MYBL2: variants seen among roughly 807,000 people sequenced by gnomAD.
MYBL2 encodes MYB proto-oncogene like 2, also known as myb-related protein B.
In MYBL2, 28 loss-of-function variants were observed where a neutral mutation model predicts 79.9. The ratio of observed to expected loss-of-function variants is 0.35; its 90% CI spans 0.26 to 0.48. The LOEUF is 0.48. Ranked by LOEUF, MYBL2 falls within the 20% of genes least tolerant of loss-of-function variation. The pLI is 0.99. For missense variants in MYBL2, 735 were observed against 893.9 expected, an observed-to-expected ratio of 0.82 and a Z score of 2.27; for synonymous variants, 378 against 361.2, an observed-to-expected ratio of 1.05 and a Z score of -0.53.
chr20:43,705,111 G>C, intron 8 of MYBL2, 108 bp from the exon 9 acceptor site: 1 of 1,424,258 alleles, frequency 7.0e-7, no homozygotes, highest in Non-Finnish European at 9.6e-7. Flanking sequence ...TATCAGAGCA[G>C]ACGTTTTGGG....
chr20:43,713,481 G>A (rs1051455085), intron 12 of MYBL2, among the ~76,000 whole-genome samples: 27 of 150,676 alleles, frequency 1.8e-4, no homozygotes, highest in African/African-American at 6.6e-4. Flanking sequence ...TCCGTCTCCC[G>A]AGTTCAAGTT....
chr20:43,713,568 G>T (rs760159437), intron 12 of MYBL2, among the ~76,000 whole-genome samples: 14 of 152,122 alleles, frequency 9.2e-5, no homozygotes, highest in Non-Finnish European at 1.3e-4. Flanking sequence ...TGTATCTTTA[G>T]TAGAGACGGG....
At chr20:43,687,692 G>A (rs1267351534) in intron 5 of MYBL2, among the ~76,000 whole-genome samples, 1 of 151,878 alleles carries the variant, frequency 6.6e-6, no homozygotes, top group Non-Finnish European at 1.5e-5. Context: ...TGTCCCTATT[G>A]CTCCAATAAT....
At position 43,678,349 on chromosome 20, in the gene MYBL2, A is replaced by G. The variant is rs193193209; in HGVS notation, c.115-3435A>G. ...AAAGAAAGAAAAAAAAAAAAAAAGA[A>G]AGGATACACTGGGGCTGATTCCTCG... On this transcript the variant is annotated intron_variant, in intron 2 of 13. Transcript: ENST00000217026. 5.3e-4 allele frequency among the ~76,000 whole-genome samples: 80 copies of G among 151,404 alleles called. 2 individuals carry two copies. In the East Asian group the frequency reaches 0.015, roughly 29 times the overall value.
intron 12 of MYBL2, among the ~76,000 whole-genome samples, chr20:43,714,299 G>A (rs1987979340): frequency 6.6e-6 from 1 of 152,202 alleles, no homozygotes; most frequent in Admixed American, 6.5e-5. Flanking sequence ...TGGGGTTGAA[G>A]CTGCGTCTTT....
intron 10 of MYBL2, among the ~76,000 whole-genome samples, chr20:43,710,880 A>G (rs1379911649): frequency 1.3e-5 from 2 of 152,174 alleles, no homozygotes; most frequent in Non-Finnish European, 2.9e-5. Flanking sequence ...AAATATCTGC[A>G]TGCTCTCCAA....
intron 1 of MYBL2, among the ~76,000 whole-genome samples, chr20:43,672,453 A>T (rs559411700): frequency 1.3e-5 from 2 of 152,070 alleles, no homozygotes; most frequent in East Asian, 3.9e-4. Flanking sequence ...CAACACACGA[A>T]AAAACAACTT....
chr20:43,704,927 C>T (rs1219717837), intron 8 of MYBL2, among the ~76,000 whole-genome samples: 5 of 152,198 alleles, frequency 3.3e-5, no homozygotes, highest in Admixed American at 3.3e-4. Flanking sequence ...CACTCTCCCA[C>T]AGTTGGCTTC....
rs6031024 is a variant in MYBL2 at position 43,668,930 on chromosome 20, A to G, written c.20+1627A>G. Among the ~76,000 whole-genome samples the G allele has an allele frequency of 9.3e-3, 1,417 of 152,034 alleles. 12 individuals carry two copies. Among genetic ancestry groups the G allele is most frequent in the African/African-American group, 0.032 (1,340 of 41,496 alleles). ...TGCCCAGGCTGGAGTGCAGTGGCAC[A>G]ATCTCGGCTCACTGCAGCCTCTGCC... On this transcript the variant is annotated intron_variant, in intron 1 of 13. Coordinates refer to ENST00000217026, the MANE Select transcript of MYBL2 (RefSeq NM_002466.4).
rs1366061655 is a variant in MYBL2 at position 43,716,127 on chromosome 20, G to C, written c.*40G>C. 1 of 1,598,070 alleles carries C rather than the reference G, an allele frequency of 6.3e-7. No individual in the cohort carries two copies. ...CACGAGCCCATTCTCATGTTTACAG[G>C]GGTTGTGGGGGCAGAGGGGGTCTGT... On this transcript the variant is annotated 3_prime_UTR_variant, in exon 14 of 14. Transcript: ENST00000217026.
At chr20:43,682,675 C>G (rs1987172517) in intron 3 of MYBL2, 119 bp from the exon 4 acceptor site, 4 of 856,316 alleles carry the variant, frequency 4.7e-6, no homozygotes, top group Admixed American at 3.7e-5. Context: ...CAGGACACAC[C>G]TACCCAAGGT....
chr20:43,688,233 G>A (rs1043770929), intron 5 of MYBL2, among the ~76,000 whole-genome samples: 9 of 150,596 alleles, frequency 6.0e-5, no homozygotes, highest in South Asian at 4.2e-4. Flanking sequence ...CCAGAGTCTC[G>A]CTCTGTCATC....
chr20:43,691,694 C>A (rs1038683605), intron 5 of MYBL2, among the ~76,000 whole-genome samples: 1 of 152,046 alleles, frequency 6.6e-6, no homozygotes, highest in African/African-American at 2.4e-5. Flanking sequence ...CATGTGCCAC[C>A]ATGCCTGGCT....
intron 12 of MYBL2, among the ~76,000 whole-genome samples, chr20:43,714,731 C>T (rs1047314899): frequency 2.0e-5 from 3 of 152,098 alleles, no homozygotes; most frequent in Non-Finnish European, 2.9e-5. Context: ...CCCAGGTTCG[C>T]ACCATTCTTC....
Position 43,715,235 on chromosome 20 carries a change from G to T in MYBL2, c.1926G>T (p.Lys642Asn). The T allele has an allele frequency of 1.2e-6, 2 of 1,614,258 alleles. No individual in the cohort carries two copies. Among genetic ancestry groups the T allele is most frequent in the Non-Finnish European group, 1.7e-6 (2 of 1,180,056 alleles). Residue 642 changes from lysine to asparagine, a missense_variant, in exon 13 of 14, where the codon AAG becomes AAT. Lys to Asn is a moderately conservative substitution (Grantham distance 94, BLOSUM62 0). This residue lies in a region of MYBL2 where 204 missense variants were observed against 202.9 expected (regional missense o/e 1.01). Transcript: ENST00000217026. The stretch of plus-strand genomic sequence containing the variant: ...GCTTCTTGCAGGCCAAGCCCGAGAA[G>T]GCAGCAGTGGCCCAGAAGCCCCGAA... Reference protein sequence around the residue: ...NQGFLQAKPEKAAVAQKPRSH... With the variant: ...NQGFLQAKPENAAVAQKPRSH...
Position 43,711,543 on chromosome 20 carries a change from G to T in MYBL2, c.1661G>T (p.Gly554Val). The T allele has an allele frequency of 6.2e-7, 1 of 1,613,812 alleles. No homozygotes were observed. Among genetic ancestry groups the T allele is most frequent in the Non-Finnish European group, 8.5e-7 (1 of 1,179,852 alleles). Residue 554 changes from glycine to valine, a missense_variant, in exon 11 of 14, where the codon GGC becomes GTC. Around this residue, in one of 5 missense-constraint regions of MYBL2, gnomAD observed 204 missense variants for 202.9 expected, o/e 1.01. Transcript: ENST00000217026. ...AAGGAGGTGCTGCGTTCTGAGGCTG[G>T]CATCGAACTCATCATCGAGGACGAC... ...DLKEVLRSEA[G>V]IELIIEDDIR... is the part of the protein sequence containing the mutation.
intron 1 of MYBL2, among the ~76,000 whole-genome samples, chr20:43,667,788 G>T (rs371709902): frequency 1.3e-5 from 2 of 152,234 alleles, no homozygotes; most frequent in African/African-American, 4.8e-5. Context: ...TTAACATTCC[G>T]GGGAGCACAG....
chr20:43,684,233 T>G (rs1987213981), intron 4 of MYBL2, among the ~76,000 whole-genome samples: 1 of 151,898 alleles, frequency 6.6e-6, no homozygotes, highest in East Asian at 1.9e-4. Flanking sequence ...GTTCTTTTTT[T>G]TTTTTTCCTT....
chr20:43,704,523 T>G (rs555560835), intron 8 of MYBL2, among the ~76,000 whole-genome samples: 19 of 152,198 alleles, frequency 1.2e-4, no homozygotes, highest in Non-Finnish European at 2.5e-4. Flanking sequence ...GTGGTCGCTC[T>G]ACTCCAGAGA....
Sources: allele counts gnomAD v4.1 joint callset (sites outside exome capture counted in the v4.1 genomes callset), GRCh38; gene constraint gnomAD v4.1.1; regional missense constraint gnomAD v4.1.1; transcripts MANE v1.5; gene names NCBI Gene and HGNC (gene_info 2026-07-23, HGNC 2026-07-21).